The following KHDRBS2 variants were observed in gnomAD, a reference collection of about 807,000 sequenced individuals.
The protein encoded by KHDRBS2 is KH domain-containing, RNA-binding, signal transduction-associated protein 2.
A neutral mutation model predicts 44.3 loss-of-function variants in KHDRBS2; 26 were observed. The ratio of observed to expected loss-of-function variants is 0.59; its 90% CI spans 0.43 to 0.81. The LOEUF (loss-of-function observed/expected upper bound fraction) is 0.81, where lower values mean the gene tolerates loss of function less well. Among genes scored for constraint, KHDRBS2 ranks in the 40% least tolerant of loss-of-function variants. KHDRBS2 has a pLI of 0.00. For missense variants in KHDRBS2, 476 were observed against 433.1 expected, an observed-to-expected ratio of 1.10 and a Z score of -0.88; for synonymous variants, 194 against 151.1, an observed-to-expected ratio of 1.28 and a Z score of -2.08.
At chr6:62,265,397 C>T (rs1282149653) in intron 1 of KHDRBS2, among the ~76,000 whole-genome samples, 1 of 151,702 alleles carries the variant, frequency 6.6e-6, no homozygotes, top group African/African-American at 2.4e-5. Flanking sequence ...AACAGGATTA[C>T]AGTGAGAGGA....
At chr6:62,024,924 T>G (rs1484098912) in intron 3 of KHDRBS2, among the ~76,000 whole-genome samples, 1 of 151,664 alleles carries the variant, frequency 6.6e-6, no homozygotes, top group Non-Finnish European at 1.5e-5. Flanking sequence ...GGATATACAA[T>G]CAGTACAAAT....
chr6:61,792,816 G>A (rs1177007143), intron 6 of KHDRBS2, among the ~76,000 whole-genome samples: 1 of 151,906 alleles, frequency 6.6e-6, no homozygotes, highest in Non-Finnish European at 1.5e-5. Context: ...CGGTATCAGA[G>A]AGATGTCAGC....
At chr6:61,991,024 G>A (rs1360626855) in intron 3 of KHDRBS2, among the ~76,000 whole-genome samples, 5 of 152,062 alleles carry the variant, frequency 3.3e-5, no homozygotes, top group African/African-American at 1.2e-4. Context: ...CCCTTTTTTA[G>A]CATTGAGAAC....
intron 2 of KHDRBS2, among the ~76,000 whole-genome samples, chr6:62,071,568 G>A (rs1217844515): frequency 4.6e-5 from 7 of 152,156 alleles, no homozygotes; most frequent in African/African-American, 1.7e-4. Context: ...TGGCTAGCCA[G>A]TATTCCCAGC....
chr6:61,642,326 G>A, the KHDRBS2 span, among the ~76,000 whole-genome samples: 3 of 151,818 alleles, frequency 2.0e-5, no homozygotes, highest in Non-Finnish European at 2.9e-5. Flanking sequence ...TTACTTGAAT[G>A]CACTGAAATA....
intron 3 of KHDRBS2, among the ~76,000 whole-genome samples, chr6:62,016,258 C>T (rs139793972): frequency 6.6e-6 from 1 of 152,082 alleles, no homozygotes; most frequent in African/African-American, 2.4e-5. Flanking sequence ...AGTTTCATCA[C>T]ATGTAATAAT....
At chr6:62,240,649 T>C (rs1342569038) in intron 1 of KHDRBS2, among the ~76,000 whole-genome samples, 2 of 94,388 alleles carry the variant, frequency 2.1e-5, no homozygotes, top group Non-Finnish European at 4.1e-5. Flanking sequence ...TGTGTGTGTG[T>C]ATGTGTGTAT....
chr6:62,250,901 A>G (rs1412127441), intron 1 of KHDRBS2, among the ~76,000 whole-genome samples: 1 of 151,984 alleles, frequency 6.6e-6, no homozygotes, highest in Non-Finnish European at 1.5e-5. Context: ...TAGATAAAGG[A>G]GGCTAAAGAG....
intron 6 of KHDRBS2, among the ~76,000 whole-genome samples, chr6:61,894,405 C>T (rs1311888944): frequency 1.3e-5 from 2 of 152,142 alleles, no homozygotes; most frequent in Non-Finnish European, 1.5e-5. Context: ...AAGTTTGGTT[C>T]TTAAAATACA....
the KHDRBS2 span, among the ~76,000 whole-genome samples, chr6:61,672,308 G>A: frequency 2.6e-4 from 39 of 151,984 alleles, no homozygotes; most frequent in East Asian, 7.8e-4. Context: ...ATAAACATAC[G>A]TGTGCATGTG....
chr6:61,655,788 C>T, the KHDRBS2 span, among the ~76,000 whole-genome samples: 1 of 152,016 alleles, frequency 6.6e-6, no homozygotes, highest in Non-Finnish European at 1.5e-5. Context: ...TAGTCCATTT[C>T]ACACATCAGA....
At chr6:62,128,669 ATTT>A (rs35370798) in intron 2 of KHDRBS2, among the ~76,000 whole-genome samples, 2 of 150,570 alleles carry the variant, frequency 1.3e-5, no homozygotes, top group East Asian at 3.9e-4. Context: ...AACTGCTTTA[ATTT>A]TTTTTTGTTC....
intron 5 of KHDRBS2, among the ~76,000 whole-genome samples, chr6:61,898,987 A>C (rs1261839203): frequency 6.6e-6 from 1 of 151,982 alleles, no homozygotes. Flanking sequence ...ATGATCAATT[A>C]GTTGTGACAA....
intron 1 of KHDRBS2, among the ~76,000 whole-genome samples, chr6:62,245,799 A>G (rs1835452320): frequency 6.6e-6 from 1 of 152,030 alleles, no homozygotes; most frequent in Non-Finnish European, 1.5e-5. Flanking sequence ...AGATCTCTGA[A>G]GTCAGCCTTT....
At chr6:61,862,370 T>C (rs1022176378) in intron 6 of KHDRBS2, among the ~76,000 whole-genome samples, 1 of 152,126 alleles carries the variant, frequency 6.6e-6, no homozygotes, top group Non-Finnish European at 1.5e-5. Flanking sequence ...ATAGGAGTGG[T>C]GACAGAGGGC....
rs1809885295 is a variant in KHDRBS2, at chr6:61,930,708, A to C, written c.484-29337T>G. 8.9e-5 allele frequency among the ~76,000 whole-genome samples: 13 copies of C among 146,726 alleles called. No homozygotes were observed. In the South Asian group the frequency reaches 2.8e-3, roughly 32 times the overall value. The stretch of plus-strand genomic sequence containing the variant: ...TGAGACCCCGTCTCAAAAAAAAAGA[A>C]AAAGAAAGAAAGACGGCTAATCAAT... On this transcript the variant is annotated intron_variant, in intron 4 of 8. Coordinates refer to ENST00000281156, the MANE Select transcript of KHDRBS2 (RefSeq NM_152688.4).
intron 7 of KHDRBS2, among the ~76,000 whole-genome samples, chr6:61,710,992 C>T (rs567206103): frequency 1.5e-4 from 23 of 149,450 alleles, no homozygotes; most frequent in Middle Eastern, 3.4e-3. Flanking sequence ...TGCAGAAGCC[C>T]GAGATCATAC....
At chr6:61,996,920 T>C (rs146826700) in intron 3 of KHDRBS2, among the ~76,000 whole-genome samples, 21,953 of 151,660 alleles carry the variant, frequency 0.14, 2,114 homozygotes, top group Non-Finnish European at 0.19. Context: ...GTAGCTGTGA[T>C]TACAAGTGCC....
the KHDRBS2 span, among the ~76,000 whole-genome samples, chr6:61,634,323 A>G: frequency 6.6e-6 from 1 of 151,846 alleles, no homozygotes; most frequent in Non-Finnish European, 1.5e-5. Flanking sequence ...CTTCCAGTCT[A>G]AAGCCACAAG....
Sources: gnomAD v4.1 joint callset for allele counts (sites outside exome capture counted in the v4.1 genomes callset) on GRCh38, gnomAD v4.1.1 for gene constraint, MANE v1.5 for transcripts, NCBI Gene and HGNC (gene_info 2026-07-23, HGNC 2026-07-21) for gene names.